Variants in CCDC7 observed in about 807,000 individuals in gnomAD.
CCDC7 encodes the protein coiled-coil domain-containing protein 7.
Under a neutral mutation model 196.9 loss-of-function variants are expected in CCDC7, and 183 were observed. The ratio of observed to expected loss-of-function variants is 0.93; its 90% CI spans 0.82 to 1.05. The LOEUF (loss-of-function observed/expected upper bound fraction) is 1.05. Ranked by LOEUF, CCDC7 falls within the 50% of genes least tolerant of loss-of-function variation. The pLI, the probability that CCDC7 is intolerant of heterozygous loss-of-function variation, is 0.00. For synonymous variants in CCDC7, 525 were observed against 484.6 expected, an observed-to-expected ratio of 1.08 and a Z score of -1.10; for missense variants, 1,540 against 1,482.2, an observed-to-expected ratio of 1.04 and a Z score of -0.64.
At chr10:32,710,201 G>T (rs2080589961) in intron 24 of CCDC7, among the ~76,000 whole-genome samples, 1 of 152,108 alleles carries the variant, frequency 6.6e-6, no homozygotes. Context: ...CATTCATCAT[G>T]CAGGCAAATA....
intron 41 of CCDC7, among the ~76,000 whole-genome samples, chr10:32,871,421 G>C (rs1242182484): frequency 1.3e-5 from 2 of 152,032 alleles, no homozygotes; most frequent in Non-Finnish European, 2.9e-5. Context: ...ATGGTAGTTT[G>C]TATTTCTGTG....
chr10:32,642,554 G>C (rs543303730), intron 20 of CCDC7, among the ~76,000 whole-genome samples: 1 of 152,046 alleles, frequency 6.6e-6, no homozygotes, highest in African/African-American at 2.4e-5. Flanking sequence ...GGAAAAGGGT[G>C]CCACCCTTTC....
chr10:32,456,367 A>T lies in CCDC7; in HGVS notation c.456+33A>T, dbSNP rs184849393. 67 of 1,432,350 alleles carry T rather than the reference A, an allele frequency of 4.7e-5. No homozygotes were observed. In the Admixed American group the frequency reaches 1.3e-3, roughly 28 times the overall value. The allele number at this position is 1,432,350 out of a possible 1,614,324, so 88.7% of individuals were successfully genotyped here. A position where few individuals can be genotyped will look rare whatever the true frequency, so the allele number is the denominator to read the frequency against. ...TTCTGTATATACTGTCAAGTATAAA[A>T]TATCAAACTTGTACTGGTTGTTGAA... is the stretch of plus-strand genomic sequence containing the variant. On this transcript the variant is annotated intron_variant, in intron 3 of 41. Transcript: ENST00000639629.
intron 15 of CCDC7, among the ~76,000 whole-genome samples, chr10:32,568,097 C>T (rs1407654144): frequency 6.8e-6 from 1 of 148,092 alleles, no homozygotes; most frequent in Non-Finnish European, 1.5e-5. Flanking sequence ...ACCTCCAACT[C>T]CCTGGTTCAA....
At chr10:32,460,835 ATT>A (rs1255473897) in intron 3 of CCDC7, among the ~76,000 whole-genome samples, 1 of 152,102 alleles carries the variant, frequency 6.6e-6, no homozygotes, top group Non-Finnish European at 1.5e-5. Context: ...AGAATTTCTG[ATT>A]TAGTAGGGTA....
chr10:32,799,150 G>A (rs983645661), intron 29 of CCDC7, among the ~76,000 whole-genome samples: 2 of 152,192 alleles, frequency 1.3e-5, no homozygotes, highest in Admixed American at 1.3e-4. Flanking sequence ...AGGTTGCATT[G>A]TGACTTGATG....
chr10:32,844,821 C>G (rs755174958), intron 33 of CCDC7, among the ~76,000 whole-genome samples: 6 of 151,692 alleles, frequency 4.0e-5, no homozygotes, highest in Non-Finnish European at 8.9e-5. Flanking sequence ...ATGCTTACTG[C>G]AATAAGACAT....
exon 1 of CCDC7, chr10:32,451,808 C>G (rs779091860): frequency 6.2e-7 from 1 of 1,614,008 alleles, no homozygotes; most frequent in Non-Finnish European, 8.5e-7. Flanking sequence ...CCTAAGATCT[C>G]CACCAACAGG....
At chr10:32,728,589 AT>A (rs1250134819) in intron 26 of CCDC7, among the ~76,000 whole-genome samples, 5 of 152,172 alleles carry the variant, frequency 3.3e-5, no homozygotes, top group Admixed American at 2.0e-4. Flanking sequence ...TGTTTGGCCT[AT>A]GATTATATAT....
intron 20 of CCDC7, among the ~76,000 whole-genome samples, chr10:32,658,735 T>A (rs549156768): frequency 2.0e-5 from 3 of 152,222 alleles, no homozygotes; most frequent in Non-Finnish European, 2.9e-5. Context: ...GATATTATGC[T>A]AAGTGAAATA....
chr10:32,633,462 A>G (rs887758453), intron 18 of CCDC7, among the ~76,000 whole-genome samples: 1 of 152,054 alleles, frequency 6.6e-6, no homozygotes, highest in Non-Finnish European at 1.5e-5. Flanking sequence ...ATGCTCCTCA[A>G]TTTGTTTTAG....
intron 18 of CCDC7, among the ~76,000 whole-genome samples, chr10:32,610,757 C>CT (rs575136344): frequency 1.3e-5 from 2 of 152,026 alleles, no homozygotes; most frequent in South Asian, 4.1e-4. Flanking sequence ...TGAACTCATC[C>CT]TTTTTTATGG....
At chr10:32,803,576 G>C (rs2085235469) in intron 29 of CCDC7, among the ~76,000 whole-genome samples, 1 of 151,784 alleles carries the variant, frequency 6.6e-6, no homozygotes, top group African/African-American at 2.4e-5. Flanking sequence ...CTTTCCATTT[G>C]TGTGCATAAT....
At chr10:32,541,436 G>T (rs1170975259) in intron 11 of CCDC7, among the ~76,000 whole-genome samples, 1 of 152,144 alleles carries the variant, frequency 6.6e-6, no homozygotes, top group African/African-American at 2.4e-5. Context: ...AAAACAGGTG[G>T]CTACACCCTC....
chr10:32,556,705 T>C (rs979762121), intron 13 of CCDC7, among the ~76,000 whole-genome samples: 5 of 152,222 alleles, frequency 3.3e-5, no homozygotes, highest in Non-Finnish European at 7.3e-5. Flanking sequence ...CCTTTTCACT[T>C]CCTCTTGAAC....
chr10:32,717,095 C>T lies in CCDC7; in HGVS notation c.2569+5365C>T, dbSNP rs148352671. On this transcript the variant is annotated intron_variant, in intron 25 of 41. Coordinates refer to ENST00000639629, the Ensembl canonical transcript of CCDC7. ...AGAATATACACTCTTCTCAGCACCA[C>T]GTCGCACTTATTCTAAAATTGACCA... 1.2e-3 allele frequency among the ~76,000 whole-genome samples: 176 copies of T among 152,278 alleles called. No individual in the cohort carries two copies. In the Middle Eastern group the frequency reaches 0.014, roughly 12 times the overall value.
At chr10:32,645,881 A>G (rs909600450) in intron 20 of CCDC7, among the ~76,000 whole-genome samples, 1 of 152,032 alleles carries the variant, frequency 6.6e-6, no homozygotes, top group African/African-American at 2.4e-5. Flanking sequence ...ATCAGCTGCA[A>G]TGTTACCCTT....
chr10:32,611,777 A>C (rs548414417), intron 18 of CCDC7, among the ~76,000 whole-genome samples: 6 of 152,140 alleles, frequency 3.9e-5, no homozygotes, highest in Non-Finnish European at 8.8e-5. Flanking sequence ...CCATTGATCT[A>C]TACATCTGTT....
Position 32,535,267 on chromosome 10 carries a change from G to A in CCDC7, c.994-8033G>A, listed in dbSNP as rs191345044. On this transcript the variant is annotated intron_variant, in intron 11 of 41. Coordinates refer to ENST00000639629, the Ensembl canonical transcript of CCDC7. The stretch of plus-strand genomic sequence containing the variant: ...GAATTTGGTATCCATTGGGAGTTGT[G>A]GTTTAAAACAAGAAATAACCACCTA... Among the ~76,000 whole-genome samples, 39 of 151,774 alleles carry A rather than the reference G, an allele frequency of 2.6e-4. No homozygotes were observed. In the East Asian group the frequency reaches 7.2e-3, roughly 28 times the overall value.
Sources: gnomAD v4.1 joint callset for allele counts (sites outside exome capture counted in the v4.1 genomes callset) on GRCh38, gnomAD v4.1.1 for gene constraint, MANE v1.5 for transcripts, NCBI Gene and HGNC (gene_info 2026-07-23, HGNC 2026-07-21) for gene names.